The following GLRX3 variants were observed in gnomAD, a reference collection of about 807,000 sequenced individuals.
The protein encoded by GLRX3 is glutaredoxin 3, also known as glutaredoxin-3.
Under a neutral mutation model 49.5 loss-of-function variants are expected in GLRX3, and 22 were observed. That is an observed-to-expected ratio of 0.44 (90% CI 0.32 to 0.63). The LOEUF (loss-of-function observed/expected upper bound fraction) is 0.63. Ranked by LOEUF, GLRX3 falls within the 30% of genes least tolerant of loss-of-function variation. The pLI, the probability that GLRX3 is intolerant of heterozygous loss-of-function variation, is 0.05. For synonymous variants in GLRX3, 133 were observed against 140.0 expected (o/e 0.95, Z 0.35); for missense variants, 385 against 396.3 (o/e 0.97, Z 0.24).
intron 7 of GLRX3, 49 bp downstream of exon 7, chr10:130,169,539 A>C (rs745835174): frequency 2.6e-6 from 3 of 1,147,458 alleles, no homozygotes; most frequent in Non-Finnish European, 4.0e-6. Context: ...TGATGTTAAC[A>C]TCTGCAACAA....
intron 4 of GLRX3, among the ~76,000 whole-genome samples, chr10:130,165,829 G>A (rs1371722592): frequency 6.6e-6 from 1 of 152,170 alleles, no homozygotes; most frequent in Non-Finnish European, 1.5e-5. Flanking sequence ...TTTTTCATCT[G>A]CCCAGAATTG....
At position 130,152,024 on chromosome 10, in the gene GLRX3, A is replaced by AT. The variant is rs368596235; in HGVS notation, c.201+6719dup. Among the ~76,000 whole-genome samples the AT allele has an allele frequency of 4.2e-3, 605 of 144,956 alleles. 4 individuals are homozygous for AT. The Middle Eastern group carries it at 0.042, about 10-fold the overall frequency. ...TTAAGGTTAATTTTGTTGTGTGTGAATTTTTTTTTTTTTTGAGACGGAGTC... is the reference window on the plus strand; with the variant it reads ...TTAAGGTTAATTTTGTTGTGTGTGAATTTTTTTTTTTTTTTGAGACGGAGTC... On this transcript the variant is annotated intron_variant, in intron 2 of 10. Coordinates refer to ENST00000331244, the MANE Select transcript of GLRX3 (RefSeq NM_006541.5).
chr10:130,167,318 C>T (rs1045266786), intron 6 of GLRX3, among the ~76,000 whole-genome samples: 2 of 152,184 alleles, frequency 1.3e-5, no homozygotes, highest in Non-Finnish European at 2.9e-5. Flanking sequence ...TCAGCACACT[C>T]GTGTTTTACT....
intron 2 of GLRX3, 64 bp from the exon 3 acceptor site, chr10:130,159,931 T>C: frequency 7.7e-7 from 1 of 1,290,552 alleles, no homozygotes; most frequent in Non-Finnish European, 1.1e-6. Context: ...TGAAACTGAT[T>C]TACATATTAA....
intron 7 of GLRX3, among the ~76,000 whole-genome samples, 173 bp from the exon 8 acceptor site, chr10:130,171,411 T>C (rs896607093): frequency 6.6e-6 from 1 of 152,084 alleles, no homozygotes; most frequent in Non-Finnish European, 1.5e-5. Flanking sequence ...CCTGGGTTGA[T>C]GTGTAGATGG....
chr10:130,163,097 G>A (rs1490242410), intron 4 of GLRX3, among the ~76,000 whole-genome samples: 1 of 152,102 alleles, frequency 6.6e-6, no homozygotes, highest in Non-Finnish European at 1.5e-5. Context: ...AGATTTGGAA[G>A]ACTGTACAAA....
chr10:130,149,848 T>C (rs1862338167), intron 2 of GLRX3, among the ~76,000 whole-genome samples: 1 of 150,310 alleles, frequency 6.7e-6, no homozygotes, highest in Admixed American at 6.6e-5. Flanking sequence ...GTCTATATTG[T>C]CATTTAATTC....
intron 1 of GLRX3, among the ~76,000 whole-genome samples, chr10:130,140,609 C>G (rs933384894): frequency 1.3e-5 from 2 of 152,146 alleles, no homozygotes; most frequent in East Asian, 3.8e-4. Flanking sequence ...AGTTAAATTA[C>G]TCTTCAAAAC....
At chr10:130,139,448 G>C (rs1483808279) in intron 1 of GLRX3, among the ~76,000 whole-genome samples, 3 of 151,522 alleles carry the variant, frequency 2.0e-5, no homozygotes, top group African/African-American at 7.3e-5. Context: ...GACCATCCTG[G>C]CTAACACGGT....
intron 4 of GLRX3, 102 bp downstream of exon 4, chr10:130,161,099 A>G (rs1292181773): frequency 9.4e-6 from 7 of 746,406 alleles, no homozygotes; most frequent in African/African-American, 1.7e-5. Context: ...TATACCATAC[A>G]TCTTATACTT....
chr10:130,160,291 C>T (rs1862549431), intron 3 of GLRX3, among the ~76,000 whole-genome samples: 1 of 152,210 alleles, frequency 6.6e-6, no homozygotes, highest in African/African-American at 2.4e-5. Flanking sequence ...CTGTGTAGGG[C>T]CAGCAGCCAG....
intron 8 of GLRX3, among the ~76,000 whole-genome samples, chr10:130,174,125 T>TTCAAGTA: frequency 6.6e-6 from 1 of 152,278 alleles, no homozygotes; most frequent in Non-Finnish European, 1.5e-5. Context: ...ATGTTCATTG[T>TTCAAGTA]ATGGTATAAA....
chr10:130,175,581 G>T (rs1862901144), intron 10 of GLRX3, among the ~76,000 whole-genome samples: 1 of 152,204 alleles, frequency 6.6e-6, no homozygotes, highest in Non-Finnish European at 1.5e-5. Flanking sequence ...GTTAGATTGT[G>T]TTTTAGATAA....
At position 130,150,215 on chromosome 10, in the gene GLRX3, G is replaced by A. The variant is rs368697478; in HGVS notation, c.201+4896G>A. On this transcript the variant is annotated intron_variant, in intron 2 of 10. Transcript: ENST00000331244. ...AGACCACACCACTGCATTCCAGCCT[G>A]GATAACAGAGCAAGACTCCATCTCA... 4.8e-4 allele frequency among the ~76,000 whole-genome samples: 71 copies of A among 147,510 alleles called. No individual in the cohort carries two copies. The East Asian group carries it at 7.7e-3, about 16-fold the overall frequency.
At chr10:130,155,141 A>G (rs1000163844) in intron 2 of GLRX3, among the ~76,000 whole-genome samples, 3 of 152,190 alleles carry the variant, frequency 2.0e-5, no homozygotes, top group African/African-American at 7.2e-5. Context: ...CAGCAGGGCC[A>G]TTTGAAAAAT....
Position 130,138,050 on chromosome 10 carries a change from A to G in GLRX3, c.92+1538A>G, listed in dbSNP as rs143205681. Among the ~76,000 whole-genome samples the G allele has an allele frequency of 8.0e-3, 1,215 of 151,642 alleles. 12 individuals are homozygous for G. The highest frequency in any genetic ancestry group is 0.01 in the Middle Eastern group (3 of 292). On this transcript the variant is annotated intron_variant, in intron 1 of 10. Transcript: ENST00000331244. ...CACGTCCGGCCAGAAATGCTTATTGATCTAAATTTTGTTTTGTTTGTTTTC... is the reference window on the plus strand; with the variant it reads ...CACGTCCGGCCAGAAATGCTTATTGGTCTAAATTTTGTTTTGTTTGTTTTC...
chr10:130,177,703 T>TC (rs1210691675), intron 10 of GLRX3, among the ~76,000 whole-genome samples: 1 of 152,148 alleles, frequency 6.6e-6, no homozygotes, highest in East Asian at 1.9e-4. Flanking sequence ...TCCTGCTGGG[T>TC]CCCTTGGAGG....
chr10:130,159,795 G>C, intron 2 of GLRX3, 200 bp from the exon 3 acceptor site: 1 of 1,328,836 alleles, frequency 7.5e-7, no homozygotes, highest in East Asian at 2.7e-5. Context: ...CTCTGAACCT[G>C]TTTTGACACT....
At chr10:130,138,726 C>T (rs1862114260) in intron 1 of GLRX3, among the ~76,000 whole-genome samples, 1 of 152,104 alleles carries the variant, frequency 6.6e-6, no homozygotes, top group South Asian at 2.1e-4. Context: ...TTGTGTGGAC[C>T]TGCCCTAAGT....
Sources: allele counts gnomAD v4.1 joint callset (sites outside exome capture counted in the v4.1 genomes callset), GRCh38; gene constraint gnomAD v4.1.1; transcripts MANE v1.5; gene names NCBI Gene and HGNC (gene_info 2026-07-23, HGNC 2026-07-21).